The following LRP6 variants were observed in gnomAD, a reference collection of about 807,000 sequenced individuals.
The protein encoded by LRP6 is low-density lipoprotein receptor-related protein 6.
In LRP6, 43 loss-of-function variants were observed where a neutral mutation model predicts 184.1. The observed-to-expected ratio is 0.23, with a 90% confidence interval of 0.18 to 0.30. LRP6 has a LOEUF of 0.30. Ranked by LOEUF, LRP6 falls within the 10% of genes least tolerant of loss-of-function variation. LRP6 has a pLI of 1.00. For synonymous variants in LRP6, 719 were observed against 684.9 expected, an observed-to-expected ratio of 1.05 and a Z score of -0.78; for missense variants, 1,571 against 2,005.3, an observed-to-expected ratio of 0.78 and a Z score of 4.14.
At chr12:12,231,303 T>C (rs971021561) in intron 2 of LRP6, among the ~76,000 whole-genome samples, 1 of 151,262 alleles carries the variant, frequency 6.6e-6, no homozygotes, top group African/African-American at 2.4e-5. Context: ...AGAGAAGATC[T>C]TGGCACACAA....
rs141370901 is a variant in LRP6 at position 12,116,798 on chromosome 12, A to G, written c.*4328T>C. ...ATTTGAGAATGCTTTATGAAAAAGA[A>G]AAACAGCAAAGTTTACCTCAATTGA... is the stretch of plus-strand genomic sequence containing the variant. On this transcript the variant is annotated 3_prime_UTR_variant, in exon 23 of 23. Transcript: ENST00000261349. 3 of 152,318 alleles carry G rather than the reference A, an allele frequency of 2.0e-5. No homozygotes were observed. Among genetic ancestry groups the G allele is most frequent in the African/African-American group, 7.2e-5 (3 of 41,566 alleles). 9.4% of individuals were successfully genotyped at this position (152,318 alleles called of 1,614,324 possible).
intron 2 of LRP6, among the ~76,000 whole-genome samples, chr12:12,231,981 G>A (rs1335749695): frequency 3.3e-5 from 5 of 150,084 alleles, no homozygotes; most frequent in Non-Finnish European, 4.4e-5. Context: ...CGCCACTGAC[G>A]AAGCGAGACC....
intron 7 of LRP6, among the ~76,000 whole-genome samples, chr12:12,175,978 C>A (rs1863172188): frequency 6.6e-6 from 1 of 151,302 alleles, no homozygotes; most frequent in African/African-American, 2.4e-5. Flanking sequence ...GTAAGAAGTA[C>A]TACAGGCCCT....
At chr12:12,157,442 A>C (rs1385307398) in intron 12 of LRP6, among the ~76,000 whole-genome samples, 1 of 152,160 alleles carries the variant, frequency 6.6e-6, no homozygotes, top group Non-Finnish European at 1.5e-5. Context: ...TTTAATCTTC[A>C]TAACAACCCT....
At chr12:12,186,624 C>T (rs1863482212) in intron 4 of LRP6, among the ~76,000 whole-genome samples, 4 of 151,110 alleles carry the variant, frequency 2.6e-5, no homozygotes, top group Admixed American at 2.6e-4. Context: ...ATATGATCTG[C>T]CTGCTTCAGT....
intron 13 of LRP6, among the ~76,000 whole-genome samples, chr12:12,150,586 G>A (rs1347390559): frequency 6.6e-6 from 1 of 152,124 alleles, no homozygotes; most frequent in Admixed American, 6.6e-5. Context: ...AACGTAGGGG[G>A]CAGTCACAAA....
chr12:12,125,662 G>A (rs1173740943), intron 20 of LRP6, among the ~76,000 whole-genome samples: 4 of 152,072 alleles, frequency 2.6e-5, no homozygotes, highest in Middle Eastern at 6.3e-3. Context: ...GCCAAGAATA[G>A]CTCCCACCTT....
At chr12:12,160,504 T>G (rs1862713436) in intron 10 of LRP6, among the ~76,000 whole-genome samples, 1 of 152,188 alleles carries the variant, frequency 6.6e-6, no homozygotes. Flanking sequence ...GAAAATGTAT[T>G]TGGTCATATG....
chr12:12,180,085 T>C (rs1484689921), intron 6 of LRP6, 104 bp from the exon 7 acceptor site: 8 of 889,248 alleles, frequency 9.0e-6, no homozygotes, highest in South Asian at 8.9e-5. Flanking sequence ...GTATCATCAG[T>C]TAATGCCAAG....
intron 2 of LRP6, among the ~76,000 whole-genome samples, chr12:12,229,216 C>G (rs1349119120): frequency 1.3e-5 from 2 of 151,896 alleles, no homozygotes; most frequent in Non-Finnish European, 2.9e-5. Flanking sequence ...ACTAAAAACA[C>G]AAAATTAGCC....
At chr12:12,234,340 C>T (rs1422855023) in intron 2 of LRP6, among the ~76,000 whole-genome samples, 2 of 151,744 alleles carry the variant, frequency 1.3e-5, no homozygotes, top group Non-Finnish European at 2.9e-5. Context: ...GTCCCAGCTA[C>T]TTGAGAGGCT....
chr12:12,135,032 A>C, intron 17 of LRP6, 143 bp downstream of exon 17: 1 of 1,145,838 alleles, frequency 8.7e-7, no homozygotes, highest in Non-Finnish European at 1.3e-6. Flanking sequence ...AGAAAAGCCT[A>C]GTACAATACA....
chr12:12,164,986 T>C (rs1056529569), intron 8 of LRP6, 93 bp downstream of exon 8: 14 of 725,852 alleles, frequency 1.9e-5, no homozygotes, highest in Non-Finnish European at 3.1e-5. Flanking sequence ...GGTTTCAAAA[T>C]TGCCTCAAAA....
chr12:12,154,948 C>A (rs990681246), intron 12 of LRP6, among the ~76,000 whole-genome samples: 13 of 152,176 alleles, frequency 8.5e-5, no homozygotes, highest in Non-Finnish European at 1.3e-4. Flanking sequence ...GTAATCCCAG[C>A]ATCTTGGGAG....
chr12:12,217,889 T>C (rs925551254), intron 2 of LRP6, among the ~76,000 whole-genome samples: 1 of 151,978 alleles, frequency 6.6e-6, no homozygotes, highest in African/African-American at 2.4e-5. Flanking sequence ...TCAAAAACGA[T>C]AAAGACCTGA....
intron 2 of LRP6, among the ~76,000 whole-genome samples, chr12:12,208,889 CA>C (rs1565652062): frequency 6.6e-6 from 1 of 152,166 alleles, no homozygotes; most frequent in East Asian, 1.9e-4. Flanking sequence ...CTTTAATACA[CA>C]AATCAATTGA....
rs2137043150 is a variant in LRP6, at chr12:12,203,442, A to G, written c.450-42T>C. The G allele has an allele frequency of 2.1e-6, 3 of 1,441,080 alleles. No individual in the cohort carries two copies. The East Asian group carries it at 6.8e-5, about 33-fold the overall frequency. 89.3% of individuals were successfully genotyped at this position (1,441,080 alleles called of 1,614,324 possible). On this transcript the variant is annotated intron_variant, in intron 2 of 22. Coordinates refer to ENST00000261349, the MANE Select transcript of LRP6 (RefSeq NM_002336.3). The stretch of plus-strand genomic sequence containing the variant: ...TAATTAAAGCCATGACAGAGCAGAT[A>G]TCAATCAAATACTCTGTAATTATTA...
In LRP6 at chr12:12,164,351, G is replaced by A; in HGVS notation, c.1974C>T (p.Leu658=). 1 of 1,614,040 alleles carries A rather than the reference G, an allele frequency of 6.2e-7. No individual in the cohort carries two copies. The highest frequency in any genetic ancestry group is 8.5e-7 in the Non-Finnish European group (1 of 1,179,930). Residue 658 remains leucine, a synonymous_variant, in exon 9 of 23, where the codon CTC becomes CTT. Coordinates refer to ENST00000261349, the MANE Select transcript of LRP6 (RefSeq NM_002336.3). ...AAGCAGAAGCTTCTTTGACACCAGT[G>A]AGTGGAATAGCCACATTATTATTGT... ...ETNNNNVAIP[L]TGVKEASALD... is the part of the protein sequence containing the mutation.
rs1949579926 is a variant in LRP6 at position 12,120,015 on chromosome 12, A to ATATAT, written c.*1106_*1110dup. ...AATATATATATATATATATATATAT[A>ATATAT]TATATATATATATATATATATATAT... On this transcript the variant is annotated 3_prime_UTR_variant, in exon 23 of 23. Transcript: ENST00000261349. The ATATAT allele has an allele frequency of 1.9e-5, 2 of 105,876 alleles. No homozygotes were observed. The highest frequency in any genetic ancestry group is 6.5e-5 in the African/African-American group (2 of 30,622). 6.6% of individuals were successfully genotyped at this position (105,876 alleles called of 1,614,324 possible). A position where few individuals can be genotyped will look rare whatever the true frequency, so the allele number is the denominator to read the frequency against.
Sources: gnomAD v4.1 joint callset for allele counts (sites outside exome capture counted in the v4.1 genomes callset) on GRCh38, gnomAD v4.1.1 for gene constraint, MANE v1.5 for transcripts, NCBI Gene and HGNC (gene_info 2026-07-23, HGNC 2026-07-21) for gene names.